Variants in PNOC observed in about 807,000 individuals in gnomAD.
The protein encoded by PNOC is nociceptin.
A neutral mutation model predicts 15.6 loss-of-function variants in PNOC; 10 were observed. The ratio of observed to expected loss-of-function variants is 0.64; its 90% CI spans 0.40 to 1.09. The LOEUF is 1.09. Ranked by LOEUF, PNOC falls within the 50% of genes least tolerant of loss-of-function variation. The probability of loss-of-function intolerance (pLI) is 0.01; values close to 1 mark genes in which losing one functional copy is unlikely to be tolerated. For missense variants in PNOC, 220 were observed against 223.9 expected (o/e 0.98, Z 0.11); for synonymous variants, 98 against 88.5 (o/e 1.11, Z -0.60).
chr8:28,321,993 A>G (rs1801158614), intron 1 of PNOC, among the ~76,000 whole-genome samples: 1 of 152,238 alleles, frequency 6.6e-6, no homozygotes, highest in Non-Finnish European at 1.5e-5. Flanking sequence ...CAATGGGTCT[A>G]AGAAATGGGG....
At chr8:28,318,408 G>A (rs941719491) in intron 1 of PNOC, among the ~76,000 whole-genome samples, 2 of 152,224 alleles carry the variant, frequency 1.3e-5, no homozygotes, top group Admixed American at 6.5e-5. Context: ...TTGTTCGGCA[G>A]ACTAACAAAA....
rs566558755 is a variant in PNOC at position 28,324,627 on chromosome 8, G to A, written c.-23-4508G>A. 2.6e-5 allele frequency among the ~76,000 whole-genome samples: 4 copies of A among 152,300 alleles called. No homozygotes were observed. The South Asian group carries it at 8.3e-4, about 32-fold the overall frequency. ...GTCTGTAATCCCAGCACTTGGGGAG[G>A]CCGAAGCGGGAGGATCACCTGAGGT... On this transcript the variant is annotated intron_variant, in intron 1 of 3. Transcript: ENST00000301908.
At chr8:28,342,093 C>G (rs1801529638) in intron 3 of PNOC, among the ~76,000 whole-genome samples, 1 of 152,104 alleles carries the variant, frequency 6.6e-6, no homozygotes, top group South Asian at 2.1e-4. Context: ...GCCTATAATC[C>G]CAGTGCTTTG....
chr8:28,319,158 G>C (rs938278645), intron 1 of PNOC, among the ~76,000 whole-genome samples: 8 of 151,772 alleles, frequency 5.3e-5, no homozygotes, highest in African/African-American at 1.9e-4. Flanking sequence ...GTTGCAGTTG[G>C]AGAAACTGAA....
chr8:28,337,667 C>T (rs1345817170), intron 2 of PNOC, among the ~76,000 whole-genome samples: 4 of 150,442 alleles, frequency 2.7e-5, no homozygotes, highest in Non-Finnish European at 5.9e-5. Context: ...ACTGCAAGCT[C>T]CGCCTCCCGG....
chr8:28,335,663 G>A (rs1195224847), intron 2 of PNOC, among the ~76,000 whole-genome samples: 1 of 152,034 alleles, frequency 6.6e-6, no homozygotes, highest in Non-Finnish European at 1.5e-5. Context: ...GAGTAGCTGG[G>A]ATTACAGGCA....
chr8:28,336,120 CCTT>C (rs1436360900), intron 2 of PNOC, among the ~76,000 whole-genome samples: 1 of 152,122 alleles, frequency 6.6e-6, no homozygotes, highest in Non-Finnish European at 1.5e-5. Context: ...CTTTTCATTC[CCTT>C]CTTTTATACT....
At chr8:28,325,397 T>C (rs1563326836) in intron 1 of PNOC, among the ~76,000 whole-genome samples, 1 of 152,136 alleles carries the variant, frequency 6.6e-6, no homozygotes, top group Non-Finnish European at 1.5e-5. Context: ...CTCATGTCTG[T>C]AATCCCAGCA....
At chr8:28,338,780 A>G (rs1194405599) in intron 2 of PNOC, 1 of 1,199,018 alleles carries the variant, frequency 8.3e-7, no homozygotes, top group Non-Finnish European at 1.0e-6. Flanking sequence ...ACGTGCTGTG[A>G]CACCAGAGGT....
intron 1 of PNOC, among the ~76,000 whole-genome samples, chr8:28,321,374 C>T (rs576301361): frequency 4.6e-5 from 7 of 152,104 alleles, no homozygotes; most frequent in Middle Eastern, 3.4e-3. Flanking sequence ...AATTATGTTG[C>T]CAGTATATGT....
chr8:28,343,072 C>A lies in PNOC; in HGVS notation c.*178C>A. 2 of 820,100 alleles carry A rather than the reference C, an allele frequency of 2.4e-6. No individual in the cohort carries two copies. The highest frequency in any genetic ancestry group is 2.9e-6 in the Non-Finnish European group (2 of 678,406). The allele number at this position is 820,100 out of a possible 1,614,324, so 50.8% of individuals were successfully genotyped here. A position where few individuals can be genotyped will look rare whatever the true frequency, so the allele number is the denominator to read the frequency against. ...GCTTCGTTTGCCTCCAGAACCTTCC[C>A]GTCTGATTGTTCCTCCCCAGCCCCC... is the stretch of plus-strand genomic sequence containing the variant. On this transcript the variant is annotated 3_prime_UTR_variant, in exon 4 of 4. Coordinates refer to ENST00000301908, the MANE Select transcript of PNOC (RefSeq NM_006228.5).
At chr8:28,330,400 T>TATTTTTTTTTTTTTTTTTC (rs1431540071) in intron 2 of PNOC, among the ~76,000 whole-genome samples, 2 of 102,228 alleles carry the variant, frequency 2.0e-5, no homozygotes, top group Admixed American at 1.0e-4. Flanking sequence ...TATTTTATTT[T>TATTTTTTTTTTTTTTTTTC]TTTTTTTTTT....
intron 1 of PNOC, among the ~76,000 whole-genome samples, chr8:28,319,495 C>A (rs1278228403): frequency 6.6e-6 from 1 of 152,136 alleles, no homozygotes; most frequent in African/African-American, 2.4e-5. Flanking sequence ...AAGAGGGAGG[C>A]AGCAGCCAGG....
intron 2 of PNOC, 84 bp from the exon 3 acceptor site, chr8:28,338,956 T>G: frequency 7.8e-7 from 1 of 1,278,860 alleles, no homozygotes; most frequent in Non-Finnish European, 1.1e-6. Flanking sequence ...CTTGCACTGG[T>G]GCAGTGGGCC....
At chr8:28,325,365 A>G (rs1801207871) in intron 1 of PNOC, among the ~76,000 whole-genome samples, 1 of 152,112 alleles carries the variant, frequency 6.6e-6, no homozygotes, top group Non-Finnish European at 1.5e-5. Flanking sequence ...ATAAAAAGAC[A>G]TTAAGAAGCC....
Position 28,339,490 on chromosome 8 carries a change from G to C in PNOC, c.*46G>C. 1 of 1,497,240 alleles carries C rather than the reference G, an allele frequency of 6.7e-7. No homozygotes were observed. The highest frequency in any genetic ancestry group is 8.9e-7 in the Non-Finnish European group (1 of 1,125,258). 92.7% of individuals were successfully genotyped at this position (1,497,240 alleles called of 1,614,324 possible). A position where few individuals can be genotyped will look rare whatever the true frequency, so the allele number is the denominator to read the frequency against. ...AGCTGTACCGGCCACTGCAACCCAT[G>C]AGTGAGTTGGGCACCAATAAGCTGG... On this transcript the variant is annotated splice_region_variant and 3_prime_UTR_variant, in exon 3 of 4. Transcript: ENST00000301908.
Position 28,339,088 on chromosome 8 carries a change from A to G in PNOC, c.175A>G (p.Thr59Ala), listed in dbSNP as rs747433502. 1.2e-6 allele frequency: 2 copies of G among 1,601,628 alleles called. No individual in the cohort carries two copies. Among genetic ancestry groups the G allele is most frequent in the Admixed American group, 3.3e-5 (2 of 59,766 alleles). ...GAAGGTCTTCCCCAGCCCCCTCTGG[A>G]CTCCATGCACCAAGGTCATGGCCAG... Reference protein sequence around the residue: ...EEKVFPSPLWTPCTKVMARSS... With the variant: ...EEKVFPSPLWAPCTKVMARSS... Residue 59 changes from threonine (T) to alanine (A), a missense_variant, in exon 3 of 4, where the codon ACT becomes GCT. Transcript: ENST00000301908.
At chr8:28,322,428 G>A (rs1163772248) in intron 1 of PNOC, among the ~76,000 whole-genome samples, 1 of 152,074 alleles carries the variant, frequency 6.6e-6, no homozygotes, top group Non-Finnish European at 1.5e-5. Flanking sequence ...AAAAAAGGTT[G>A]TCATCAGACA....
At chr8:28,321,206 A>ATTTTTTTTTTTTTTTTTT (rs34876674) in intron 1 of PNOC, among the ~76,000 whole-genome samples, 1 of 122,792 alleles carries the variant, frequency 8.1e-6, no homozygotes, top group Non-Finnish European at 1.6e-5. Flanking sequence ...ACCTAGCTAA[A>ATTTTTTTTTTTTTTTTTT]TTTTTTTTTT....
Sources: allele counts gnomAD v4.1 joint callset (sites outside exome capture counted in the v4.1 genomes callset), GRCh38; gene constraint gnomAD v4.1.1; transcripts MANE v1.5; gene names NCBI Gene and HGNC (gene_info 2026-07-23, HGNC 2026-07-21).